DLGAP1: variants seen among roughly 807,000 people sequenced by gnomAD.
DLGAP1 encodes disks large-associated protein 1.
Under a neutral mutation model 90.8 loss-of-function variants are expected in DLGAP1, and 11 were observed. The observed-to-expected ratio is 0.12, with a 90% CI of 0.08 to 0.20. The LOEUF (loss-of-function observed/expected upper bound fraction) is 0.20. Ranked by LOEUF, DLGAP1 falls within the 10% of genes least tolerant of loss-of-function variation. The pLI is 1.00. For missense variants in DLGAP1, 1,050 were observed against 1,333.8 expected, an observed-to-expected ratio of 0.79 and a Z score of 3.31; for synonymous variants, 558 against 540.7, an observed-to-expected ratio of 1.03 and a Z score of -0.44.
chr18:3,747,641 G>A (rs567604434), intron 5 of DLGAP1, among the ~76,000 whole-genome samples: 1 of 152,256 alleles, frequency 6.6e-6, no homozygotes, highest in South Asian at 2.1e-4. Flanking sequence ...CCGGCGTTTT[G>A]AAAAATGAGC....
chr18:3,741,130 C>CAAT (rs1160795931), intron 6 of DLGAP1, among the ~76,000 whole-genome samples: 1 of 114,640 alleles, frequency 8.7e-6, no homozygotes, highest in Non-Finnish European at 1.9e-5. Flanking sequence ...ATCACCACCA[C>CAAT]CACCACATCA....
intron 10 of DLGAP1, among the ~76,000 whole-genome samples, chr18:3,533,458 G>A (rs1402482377): frequency 6.6e-6 from 1 of 152,062 alleles, no homozygotes; most frequent in African/African-American, 2.4e-5. Context: ...GGTTTCTAGC[G>A]GCCTATACGT....
intron 1 of DLGAP1, among the ~76,000 whole-genome samples, chr18:4,176,289 A>G (rs889847390): frequency 1.3e-5 from 2 of 152,210 alleles, no homozygotes; most frequent in African/African-American, 2.4e-5. Context: ...CAAGTGAATG[A>G]CTTCCAAATC....
chr18:4,160,593 T>C (rs573964818), intron 1 of DLGAP1, among the ~76,000 whole-genome samples: 15 of 152,200 alleles, frequency 9.9e-5, no homozygotes, highest in Non-Finnish European at 2.2e-4. Context: ...CTCAGAAGAC[T>C]GAGATGCAGA....
rs562634647 is a variant in DLGAP1, at chr18:4,004,536, T to C, written c.-73+580A>G. The stretch of plus-strand genomic sequence containing the variant: ...ATACACATGAATTAGATTACTAGAC[T>C]ATTCACTGATCAATAATGTGAAAAA... On this transcript the variant is annotated intron_variant, in intron 3 of 12. Coordinates refer to ENST00000315677, the MANE Select transcript of DLGAP1 (RefSeq NM_004746.4). Among the ~76,000 whole-genome samples, 3 of 152,288 alleles carry C rather than the reference T, an allele frequency of 2.0e-5. No homozygotes were observed. In the South Asian group the frequency reaches 6.2e-4, roughly 32 times the overall value.
intron 1 of DLGAP1, among the ~76,000 whole-genome samples, chr18:4,164,103 T>C (rs1335116980): frequency 6.6e-6 from 1 of 152,060 alleles, no homozygotes; most frequent in Non-Finnish European, 1.5e-5. Flanking sequence ...TAAACTGCCA[T>C]TGGAACCATG....
At chr18:3,918,725 GGAA>G (rs2072201835) in intron 3 of DLGAP1, among the ~76,000 whole-genome samples, 1 of 152,182 alleles carries the variant, frequency 6.6e-6, no homozygotes, top group Admixed American at 6.5e-5. Context: ...AAGAGAAAGT[GGAA>G]GGAGGGCAAC....
chr18:3,791,239 T>C (rs1720270870), intron 5 of DLGAP1, among the ~76,000 whole-genome samples: 1 of 152,230 alleles, frequency 6.6e-6, no homozygotes, highest in Admixed American at 6.5e-5. Flanking sequence ...CCTTATCTTC[T>C]AGGAACTTTG....
chr18:4,231,904 A>G (rs2078307137), intron 1 of DLGAP1, among the ~76,000 whole-genome samples: 1 of 152,142 alleles, frequency 6.6e-6, no homozygotes, highest in Non-Finnish European at 1.5e-5. Flanking sequence ...TAAGAATGAA[A>G]TTCTGTGGCT....
intron 1 of DLGAP1, among the ~76,000 whole-genome samples, chr18:4,157,848 C>T (rs1280407184): frequency 6.6e-6 from 1 of 152,170 alleles, no homozygotes; most frequent in Admixed American, 6.5e-5. Context: ...CCCCAAGACG[C>T]CATGCTCGCC....
At chr18:4,143,538 G>A (rs1244000150) in intron 2 of DLGAP1, among the ~76,000 whole-genome samples, 1 of 151,800 alleles carries the variant, frequency 6.6e-6, no homozygotes, top group Non-Finnish European at 1.5e-5. Flanking sequence ...GCCCAGGGAA[G>A]GTCCAGAAAT....
chr18:4,445,930 A>G (rs1273665506), intron 1 of DLGAP1, among the ~76,000 whole-genome samples: 2 of 152,088 alleles, frequency 1.3e-5, no homozygotes, highest in Non-Finnish European at 2.9e-5. Flanking sequence ...TCCTCCTGGT[A>G]AAACAGTCAA....
At chr18:4,292,047 G>C (rs576623322) in intron 1 of DLGAP1, among the ~76,000 whole-genome samples, 4 of 152,092 alleles carry the variant, frequency 2.6e-5, no homozygotes, top group African/African-American at 9.6e-5. Context: ...ATTTTAACTA[G>C]AAATCCAGCA....
chr18:4,207,695 C>T (rs931093001), intron 1 of DLGAP1, among the ~76,000 whole-genome samples: 3 of 152,120 alleles, frequency 2.0e-5, no homozygotes, highest in Non-Finnish European at 2.9e-5. Context: ...CTGGATCCAC[C>T]CGCTTCTCCA....
At chr18:3,525,996 C>T (rs1022974950) in intron 10 of DLGAP1, among the ~76,000 whole-genome samples, 4 of 152,208 alleles carry the variant, frequency 2.6e-5, no homozygotes, top group Non-Finnish European at 5.9e-5. Flanking sequence ...ATGGAGCATT[C>T]TCAAGGTTAA....
At chr18:3,874,825 T>A (rs962142071) in intron 4 of DLGAP1, 150 of 1,362,448 alleles carry the variant, frequency 1.1e-4, no homozygotes, top group Non-Finnish European at 1.8e-5. Context: ...GGAGTCCCTT[T>A]TTTTATTAAC....
At chr18:3,895,275 T>A (rs1325224542) in intron 3 of DLGAP1, among the ~76,000 whole-genome samples, 1 of 137,100 alleles carries the variant, frequency 7.3e-6, no homozygotes, top group Non-Finnish European at 1.5e-5. Flanking sequence ...CCCTTGGATG[T>A]TTATTACACA....
chr18:3,998,296 T>A (rs112509606), intron 3 of DLGAP1, among the ~76,000 whole-genome samples: 85 of 152,318 alleles, frequency 5.6e-4, no homozygotes, highest in African/African-American at 2.0e-3. Context: ...AAAATAATGA[T>A]TTTGGTTTCC....
intron 1 of DLGAP1, among the ~76,000 whole-genome samples, chr18:4,436,685 T>C (rs2083407625): frequency 6.6e-6 from 1 of 152,216 alleles, no homozygotes; most frequent in Admixed American, 6.5e-5. Context: ...ATTACAGAAT[T>C]GAACTTCAAA....
Sources: allele counts gnomAD v4.1 joint callset (sites outside exome capture counted in the v4.1 genomes callset), GRCh38; gene constraint gnomAD v4.1.1; transcripts MANE v1.5; gene names NCBI Gene and HGNC (gene_info 2026-07-23, HGNC 2026-07-21).